Variants in PABIR3 observed in about 807,000 individuals in gnomAD.
The protein encoded by PABIR3 is PABIR family member 1.
Under a neutral mutation model 23.1 loss-of-function variants are expected in PABIR3, and 20 were observed. The ratio of observed to expected loss-of-function variants is 0.86; its 90% CI spans 0.61 to 1.26. PABIR3 has a LOEUF of 1.26. Ranked by LOEUF, PABIR3 falls within the 50% of genes most tolerant of loss-of-function variation. PABIR3 has a pLI of 0.00. For missense variants in PABIR3, 189 were observed against 195.4 expected, an observed-to-expected ratio of 0.97 and a Z score of 0.20; for synonymous variants, 69 against 68.5, an observed-to-expected ratio of 1.01 and a Z score of -0.04.
At chrX:134,855,103 G>T (rs775417472), downstream of PABIR3, among the ~76,000 whole-genome samples, 8 of 103,830 alleles carry the variant, frequency 7.7e-5, no homozygotes, top group Admixed American at 1.0e-4. Flanking sequence ...AATCTTAAGG[G>T]TTTTTTTTTT....
chrX:134,822,651 T>C lies in PABIR3; in HGVS notation c.190-6575T>C. ...TTAAAAATAATCTCTTCTAGGGAAG[T>C]CTTTCATCATTATTTTATGAAGGAA... is the stretch of plus-strand genomic sequence containing the variant. On this transcript the variant is annotated intron_variant, in intron 3 of 10. Coordinates refer to ENST00000645433, the MANE Select transcript of PABIR3 (RefSeq NM_001388447.1). The C allele has an allele frequency of 4.0e-6, 3 of 748,066 alleles. No individual in the cohort carries two copies. The South Asian group carries it at 2.0e-4, about 51-fold the overall frequency. The allele number at this position is 748,066 out of a possible 1,213,427, so 61.6% of individuals were successfully genotyped here.
intron 6 of PABIR3, among the ~76,000 whole-genome samples, chrX:134,846,092 T>TA (rs2082423158): frequency 8.9e-6 from 1 of 111,807 alleles, no homozygotes. Context: ...TCAGGAAACT[T>TA]ACGATTATGG....
At chrX:134,855,288 G>C (rs35984732), downstream of PABIR3, among the ~76,000 whole-genome samples, 1 of 109,723 alleles carries the variant, frequency 9.1e-6, no homozygotes, top group South Asian at 4.0e-4. Flanking sequence ...CAAAAAATTA[G>C]CTGGGTGTGG....
intron 4 of PABIR3, among the ~76,000 whole-genome samples, chrX:134,838,236 G>A (rs1450291727): frequency 9.0e-6 from 1 of 111,575 alleles, no homozygotes; most frequent in Non-Finnish European, 1.9e-5. Flanking sequence ...TGTCCCATGG[G>A]TCTAGATTAC....
At chrX:134,825,828 CTTTT>C (rs61066719) in intron 3 of PABIR3, among the ~76,000 whole-genome samples, 4 of 73,833 alleles carry the variant, frequency 5.4e-5, no homozygotes, top group African/African-American at 1.6e-4. Flanking sequence ...ACGCCCGGAT[CTTTT>C]TTTTTTTTTT....
Position 134,845,357 on chromosome X carries a change from A to G in PABIR3, c.301A>G (p.Ser101Gly), listed in dbSNP as rs2082398428. Reference sequence around the variant, plus strand: ...TGATTTCTTTTGTAGGAAGCTACAAAGTGAGATACAGATAAGTCACTCTTG... The same window carrying G: ...TGATTTCTTTTGTAGGAAGCTACAAGGTGAGATACAGATAAGTCACTCTTG... ...RETMSEWKLQ[S>G]EIQISHSWEE... Residue 101 changes from serine (S) to glycine (G), a missense_variant, in exon 6 of 11, where the codon AGT (serine) becomes GGT (glycine). Coordinates refer to ENST00000645433, the MANE Select transcript of PABIR3 (RefSeq NM_001388447.1). 1 of 1,204,878 alleles carries G rather than the reference A, an allele frequency of 8.3e-7. No individual in the cohort carries two copies. The highest frequency in any genetic ancestry group is 1.8e-5 in the African/African-American group (1 of 57,129).
At position 134,814,854 on chromosome X, in the gene PABIR3, G is replaced by T; in HGVS notation, c.189+5G>T. 1 of 1,172,698 alleles carries T rather than the reference G, an allele frequency of 8.5e-7. No individual in the cohort carries two copies. Reference sequence around the variant, plus strand: ...TTTAGGAATCGACGCTCTCTGGTAAGGAAATGCTTATAGTGGCCTCCCTGT... The same window carrying T: ...TTTAGGAATCGACGCTCTCTGGTAATGAAATGCTTATAGTGGCCTCCCTGT... On this transcript the variant is annotated splice_donor_5th_base_variant and intron_variant, in intron 3 of 10. Transcript: ENST00000645433.
At chrX:134,809,861 G>A (rs2080535476) in intron 2 of PABIR3, 2 of 753,895 alleles carry the variant, frequency 2.7e-6, no homozygotes, top group Non-Finnish European at 3.1e-6. Flanking sequence ...TTTGAGGTAG[G>A]AGAGAATATA....
At chrX:134,809,820 TTAACTC>T (rs1276479437) in intron 2 of PABIR3, 31 of 752,378 alleles carry the variant, frequency 4.1e-5, no homozygotes, top group African/African-American at 4.6e-5. Flanking sequence ...CCTAAGCTGA[TTAACTC>T]TAAATGAATG....
the PABIR3 span, among the ~76,000 whole-genome samples, chrX:134,860,777 A>C: frequency 8.9e-6 from 1 of 112,232 alleles, no homozygotes; most frequent in Non-Finnish European, 1.9e-5. Context: ...AAGTCTTGAC[A>C]CATGTTGCAA....
intron 3 of PABIR3, among the ~76,000 whole-genome samples, chrX:134,828,413 A>C (rs2081618983): frequency 9.0e-6 from 1 of 111,511 alleles, no homozygotes; most frequent in Non-Finnish European, 1.9e-5. Context: ...TTGAATGTAC[A>C]ACTCAATGTG....
intron 3 of PABIR3, among the ~76,000 whole-genome samples, chrX:134,823,660 C>T (rs1437530179): frequency 9.0e-6 from 1 of 111,087 alleles, no homozygotes. Flanking sequence ...GAGAGTTTTT[C>T]AGGAAAACCT....
downstream of PABIR3, among the ~76,000 whole-genome samples, chrX:134,859,356 A>T (rs1017971309): frequency 1.8e-5 from 2 of 111,874 alleles, no homozygotes; most frequent in African/African-American, 6.5e-5. Context: ...TGGCAACAAG[A>T]AACTCATTTT....
intron 2 of PABIR3, among the ~76,000 whole-genome samples, chrX:134,813,321 T>C (rs1417689616): frequency 8.9e-6 from 1 of 112,036 alleles, no homozygotes; most frequent in East Asian, 2.8e-4. Flanking sequence ...CCCCTGGTAG[T>C]CTGTTAGCCT....
rs200183026 is a variant in PABIR3 at position 134,850,266 on chromosome X, GA to G, written c.589+1041del. 7.0e-3 allele frequency among the ~76,000 whole-genome samples: 779 copies of G among 111,253 alleles called. 4 individuals are homozygous for G. Among genetic ancestry groups the G allele is most frequent in the Non-Finnish European group, 0.01 (547 of 53,077 alleles). On this transcript the variant is annotated intron_variant, in intron 9 of 10. Transcript: ENST00000645433. ...TATTGTGAAAAATCTATTAAGGTAAGAAAGAGGAGTAAGAAGAATAAGAGGA... is the reference window on the plus strand; with the variant it reads ...TATTGTGAAAAATCTATTAAGGTAAGAAGAGGAGTAAGAAGAATAAGAGGA...
At chrX:134,862,453 T>C in the PABIR3 span, among the ~76,000 whole-genome samples, 1 of 111,983 alleles carries the variant, frequency 8.9e-6, no homozygotes, top group East Asian at 2.8e-4. Context: ...CATTGCCTCA[T>C]TTTTGTTTTT....
At chrX:134,804,196 T>C, upstream of PABIR3, 1 of 1,150,206 alleles carries the variant, frequency 8.7e-7, no homozygotes, top group East Asian at 3.3e-5. Context: ...TGTCCCAAGA[T>C]CATGGCATAT....
intron 2 of PABIR3, 39 bp downstream of exon 2, chrX:134,807,747 G>A (rs750863628): frequency 4.6e-5 from 51 of 1,109,673 alleles, no homozygotes; most frequent in Middle Eastern, 5.2e-4. Flanking sequence ...CAAGCGGTGG[G>A]GAGGAGGTGT....
chrX:134,856,845 T>C (rs2082752669), downstream of PABIR3, among the ~76,000 whole-genome samples: 1 of 110,249 alleles, frequency 9.1e-6, no homozygotes, highest in South Asian at 3.9e-4. Context: ...ATCCTGTCTC[T>C]ACTAAAAATA....
Sources: allele counts gnomAD v4.1 joint callset (sites outside exome capture counted in the v4.1 genomes callset), GRCh38; gene constraint gnomAD v4.1.1; transcripts MANE v1.5; gene names NCBI Gene and HGNC (gene_info 2026-07-23, HGNC 2026-07-21).